Variants in SNX24 observed in about 807,000 individuals in gnomAD.
SNX24 encodes sorting nexin-24.
Under a neutral mutation model 28.7 loss-of-function variants are expected in SNX24, and 22 were observed. That is an observed-to-expected ratio of 0.77 (90% CI 0.55 to 1.10). The LOEUF (loss-of-function observed/expected upper bound fraction) is 1.10. SNX24 is among the 50% of genes least tolerant of loss of function. SNX24 has a pLI of 0.00. For synonymous variants in SNX24, 69 were observed against 71.5 expected (o/e 0.96, Z 0.18); for missense variants, 221 against 201.1 (o/e 1.10, Z -0.60).
Position 123,008,917 on chromosome 5 carries a change from C to G in SNX24, c.*1168C>G. 1 of 983,542 alleles carries G rather than the reference C, an allele frequency of 1.0e-6. No individual in the cohort carries two copies. The highest frequency in any genetic ancestry group is 1.2e-6 in the Non-Finnish European group (1 of 827,896). 60.9% of individuals were successfully genotyped at this position (983,542 alleles called of 1,614,324 possible). On this transcript the variant is annotated 3_prime_UTR_variant, in exon 7 of 7. Coordinates refer to ENST00000261369, the MANE Select transcript of SNX24 (RefSeq NM_014035.4). ...CATTTCATTGAGATCTAATTAATAG[C>G]TAGCCTATTTATGGTTATTCGTTTT...
At chr5:122,947,005 C>T (rs1450574780) in intron 3 of SNX24, among the ~76,000 whole-genome samples, 1 of 152,142 alleles carries the variant, frequency 6.6e-6, no homozygotes, top group Admixed American at 6.5e-5. Flanking sequence ...AGTATGGTCC[C>T]TCCCTGGCAC....
chr5:122,906,719 G>T (rs1190730773), intron 1 of SNX24, among the ~76,000 whole-genome samples: 2 of 152,206 alleles, frequency 1.3e-5, no homozygotes, highest in African/African-American at 4.8e-5. Flanking sequence ...TGTTGGCCAG[G>T]CTGGTCTTGA....
At chr5:123,019,900 G>A (rs910433560) in intron 5 of SNX24, among the ~76,000 whole-genome samples, 6 of 152,236 alleles carry the variant, frequency 3.9e-5, no homozygotes, top group Non-Finnish European at 8.8e-5. Flanking sequence ...GACCCTTGGT[G>A]TACAAGAAAT....
At chr5:122,942,884 G>A (rs997804821) in intron 2 of SNX24, among the ~76,000 whole-genome samples, 4 of 152,202 alleles carry the variant, frequency 2.6e-5, no homozygotes, top group Non-Finnish European at 4.4e-5. Context: ...ATGATCATAC[G>A]CTTCCTCAGT....
intron 1 of SNX24, among the ~76,000 whole-genome samples, chr5:122,855,188 C>G (rs914968923): frequency 2.6e-5 from 4 of 152,114 alleles, no homozygotes; most frequent in African/African-American, 9.7e-5. Context: ...TCTCCTGCCT[C>G]AGCCTGCCAA....
intron 3 of SNX24, among the ~76,000 whole-genome samples, chr5:122,996,130 C>G (rs889086834): frequency 2.6e-5 from 4 of 152,188 alleles, no homozygotes; most frequent in Non-Finnish European, 4.4e-5. Flanking sequence ...ACCACAGTAG[C>G]CTCAATGCCA....
chr5:122,909,962 TGAG>T (rs1441752392), intron 1 of SNX24, among the ~76,000 whole-genome samples: 1 of 152,168 alleles, frequency 6.6e-6, no homozygotes, highest in Admixed American at 6.5e-5. Context: ...TTTTCACTAA[TGAG>T]GAATGCAACT....
chr5:122,905,528 A>C (rs1463535133), intron 1 of SNX24, among the ~76,000 whole-genome samples: 1 of 152,200 alleles, frequency 6.6e-6, no homozygotes, highest in Non-Finnish European at 1.5e-5. Flanking sequence ...CTCAAAGGAA[A>C]TGTTCACTGG....
intron 1 of SNX24, among the ~76,000 whole-genome samples, chr5:122,935,582 G>T (rs547350557): frequency 1.3e-4 from 20 of 152,236 alleles, no homozygotes; most frequent in South Asian, 2.1e-4. Flanking sequence ...AGAAGATTTT[G>T]TTTCTGATTC....
At chr5:123,001,669 G>A (rs1016287048) in intron 5 of SNX24, among the ~76,000 whole-genome samples, 6 of 152,254 alleles carry the variant, frequency 3.9e-5, no homozygotes, top group East Asian at 1.9e-4. Flanking sequence ...ATCAACAATC[G>A]TATTACAAGA....
intron 1 of SNX24, among the ~76,000 whole-genome samples, chr5:122,896,863 A>C (rs1026466802): frequency 1.3e-5 from 2 of 152,256 alleles, no homozygotes; most frequent in African/African-American, 4.8e-5. Flanking sequence ...CCCTTCAGCC[A>C]AACATTGATC....
chr5:122,955,024 G>A (rs1420761568), intron 3 of SNX24, among the ~76,000 whole-genome samples: 1 of 150,876 alleles, frequency 6.6e-6, no homozygotes, highest in African/African-American at 2.4e-5. Context: ...TTTTATTATA[G>A]ACCCACAGGG....
chr5:123,001,303 A>G (rs988931171), intron 4 of SNX24, 102 bp from the exon 5 acceptor site: 4 of 751,582 alleles, frequency 5.3e-6, no homozygotes, highest in Non-Finnish European at 6.9e-6. Flanking sequence ...ATAACTACCA[A>G]TTCAGTCATC....
chr5:122,852,452 C>T (rs1424348531), intron 1 of SNX24, among the ~76,000 whole-genome samples: 10 of 151,862 alleles, frequency 6.6e-5, no homozygotes, highest in South Asian at 2.1e-4. Context: ...CAGGTGATTC[C>T]GCCACCTCAG....
chr5:122,868,947 C>T (rs1053513129), intron 1 of SNX24, among the ~76,000 whole-genome samples: 4 of 152,244 alleles, frequency 2.6e-5, no homozygotes, highest in East Asian at 1.9e-4. Flanking sequence ...TCATAAACAT[C>T]GTAGTGTTTT....
At chr5:123,026,914 G>T (rs1032815009) in intron 5 of SNX24, among the ~76,000 whole-genome samples, 1 of 152,156 alleles carries the variant, frequency 6.6e-6, no homozygotes, top group Admixed American at 6.5e-5. Flanking sequence ...CCAGAAGTAG[G>T]CTGGGTGCAG....
intron 3 of SNX24, among the ~76,000 whole-genome samples, chr5:122,985,849 G>A (rs1464144808): frequency 6.6e-6 from 1 of 152,188 alleles, no homozygotes; most frequent in African/African-American, 2.4e-5. Flanking sequence ...CAACCCTCAT[G>A]CGTTCAGAGC....
intron 1 of SNX24, among the ~76,000 whole-genome samples, chr5:122,885,558 A>AGGAATTTGGGT (rs1554069408): frequency 6.6e-6 from 1 of 151,436 alleles, no homozygotes; most frequent in East Asian, 2.0e-4. Flanking sequence ...TATATCTCTA[A>AGGAATTTGGGT]GGAATTTGGG....
chr5:122,930,411 G>A (rs1027387539), intron 1 of SNX24, among the ~76,000 whole-genome samples: 5 of 152,140 alleles, frequency 3.3e-5, no homozygotes, highest in South Asian at 2.1e-4. Context: ...ATAAAACTCC[G>A]CAGGCATTGC....
Sources: allele counts gnomAD v4.1 joint callset (sites outside exome capture counted in the v4.1 genomes callset), GRCh38; gene constraint gnomAD v4.1.1; transcripts MANE v1.5; gene names NCBI Gene and HGNC (gene_info 2026-07-23, HGNC 2026-07-21).